The following CSMD1 variants were observed in gnomAD, a reference collection of about 807,000 sequenced individuals.
CSMD1 encodes the protein CUB and sushi domain-containing protein 1.
Under a neutral mutation model 417.5 loss-of-function variants are expected in CSMD1, and 213 were observed. That is an observed-to-expected ratio of 0.51 (90% CI 0.46 to 0.57). CSMD1 has a LOEUF of 0.57. Among genes scored for constraint, CSMD1 ranks in the 20% least tolerant of loss-of-function variants. CSMD1 has a pLI of 0.00. For synonymous variants in CSMD1, 2,862 were observed against 1,736.8 expected (o/e 1.65, Z -16.11); for missense variants, 6,923 against 4,529.7 (o/e 1.53, Z -15.17).
intron 26 of CSMD1, among the ~76,000 whole-genome samples, chr8:3,246,720 G>A (rs547674441): frequency 4.6e-5 from 7 of 152,126 alleles, no homozygotes; most frequent in Non-Finnish European, 7.4e-5. Flanking sequence ...GATCTTGCCC[G>A]CCTTGGCATC....
chr8:3,412,622 T>C (rs1307667717), intron 12 of CSMD1, among the ~76,000 whole-genome samples: 1 of 152,064 alleles, frequency 6.6e-6, no homozygotes, highest in Non-Finnish European at 1.5e-5. Flanking sequence ...TTGGTTGAGG[T>C]TCAAGGTACA....
chr8:3,510,139 C>T (rs1321570050), intron 10 of CSMD1, among the ~76,000 whole-genome samples: 1 of 149,452 alleles, frequency 6.7e-6, no homozygotes, highest in East Asian at 1.9e-4. Context: ...ACAGAGAATA[C>T]ATATCTGTGT....
chr8:3,872,950 A>G (rs1209171972), intron 5 of CSMD1, among the ~76,000 whole-genome samples: 1 of 152,230 alleles, frequency 6.6e-6, no homozygotes, highest in Non-Finnish European at 1.5e-5. Flanking sequence ...TCATATGAAA[A>G]AAAGCTCAAC....
intron 2 of CSMD1, among the ~76,000 whole-genome samples, chr8:4,602,643 T>C (rs1322207889): frequency 5.9e-5 from 9 of 152,224 alleles, no homozygotes; most frequent in Non-Finnish European, 1.3e-4. Flanking sequence ...TTTCTTATCA[T>C]GTTAGGGCAA....
At chr8:3,123,805 T>A (rs928405513) in intron 41 of CSMD1, among the ~76,000 whole-genome samples, 1 of 152,196 alleles carries the variant, frequency 6.6e-6, no homozygotes, top group Non-Finnish European at 1.5e-5. Context: ...AACCTTCACT[T>A]AAAACAGCGT....
At chr8:3,341,200 T>TG (rs1417518431) in intron 23 of CSMD1, among the ~76,000 whole-genome samples, 1 of 151,606 alleles carries the variant, frequency 6.6e-6, no homozygotes, top group Non-Finnish European at 1.5e-5. Context: ...TGAGGGAGGG[T>TG]GGACATCAAC....
At chr8:4,711,803 C>A (rs577125779) in intron 1 of CSMD1, among the ~76,000 whole-genome samples, 1 of 152,180 alleles carries the variant, frequency 6.6e-6, no homozygotes, top group African/African-American at 2.4e-5. Context: ...CTCACAGGAG[C>A]CTTAAAAAAG....
chr8:3,408,167 T>C lies in CSMD1; in HGVS notation c.1803A>G (p.Pro601=), dbSNP rs1812467392. ...AGTTCATGTTGTTCCCATATTCCTC[T>C]GGATAATTTGGTGACAGAATAATCC... ...SSGIILSPNY[P]EEYGNNMNCV... Residue 601 remains proline (P), a synonymous_variant, in exon 14 of 70, where the codon CCA becomes CCG. Transcript: ENST00000635120. 3 of 1,612,790 alleles carry C rather than the reference T, an allele frequency of 1.9e-6. 1 individual carries two copies. The highest frequency in any genetic ancestry group is 2.7e-5 in the African/African-American group (2 of 74,888).
intron 41 of CSMD1, among the ~76,000 whole-genome samples, chr8:3,124,817 CATA>C (rs1817406523): frequency 6.6e-6 from 1 of 152,208 alleles, no homozygotes; most frequent in Non-Finnish European, 1.5e-5. Flanking sequence ...CAGTCAACAT[CATA>C]ATGATGACAA....
intron 7 of CSMD1, among the ~76,000 whole-genome samples, chr8:3,632,524 G>C (rs1004664594): frequency 6.6e-6 from 1 of 152,134 alleles, no homozygotes; most frequent in Non-Finnish European, 1.5e-5. Flanking sequence ...TTGAAGATGA[G>C]TATTGGTTAG....
At chr8:3,223,119 T>C (rs2116868362) in intron 28 of CSMD1, among the ~76,000 whole-genome samples, 1 of 152,318 alleles carries the variant, frequency 6.6e-6, no homozygotes, top group African/African-American at 2.4e-5. Flanking sequence ...GTAATTATCA[T>C]ATACCATATA....
chr8:3,435,817 G>A (rs527901886), intron 12 of CSMD1, among the ~76,000 whole-genome samples: 5 of 152,282 alleles, frequency 3.3e-5, no homozygotes, highest in African/African-American at 9.6e-5. Context: ...ATTGCAGAGT[G>A]ACAAGAGAAA....
intron 12 of CSMD1, among the ~76,000 whole-genome samples, chr8:3,423,870 G>C (rs574726380): frequency 1.3e-5 from 2 of 152,206 alleles, no homozygotes; most frequent in Admixed American, 6.5e-5. Flanking sequence ...CCAGTCCTAC[G>C]GCACGAGCTG....
intron 12 of CSMD1, among the ~76,000 whole-genome samples, chr8:3,442,998 T>C (rs1326014723): frequency 6.6e-6 from 1 of 152,226 alleles, no homozygotes; most frequent in Admixed American, 6.5e-5. Flanking sequence ...GTCCTCTTTC[T>C]ATAGGAACTT....
intron 3 of CSMD1, among the ~76,000 whole-genome samples, chr8:4,149,744 A>T (rs937896672): frequency 6.6e-6 from 1 of 152,136 alleles, no homozygotes; most frequent in Non-Finnish European, 1.5e-5. Context: ...CTCAACTCCA[A>T]GCATCCAGCC....
chr8:3,785,613 G>T (rs1331127409), intron 5 of CSMD1, among the ~76,000 whole-genome samples: 3 of 152,222 alleles, frequency 2.0e-5, no homozygotes, highest in Admixed American at 6.5e-5. Context: ...TTTATAAGAT[G>T]TTAGAAGCAA....
intron 1 of CSMD1, among the ~76,000 whole-genome samples, chr8:4,734,419 G>GAA (rs922700461): frequency 6.7e-6 from 1 of 150,148 alleles, no homozygotes; most frequent in African/African-American, 2.4e-5. Context: ...GTGAGTCCCT[G>GAA]AAAAAAAAAG....
chr8:3,441,407 T>C (rs1472000195), intron 12 of CSMD1, among the ~76,000 whole-genome samples: 1 of 151,984 alleles, frequency 6.6e-6, no homozygotes, highest in Non-Finnish European at 1.5e-5. Context: ...TCCTGTTAAT[T>C]TAATAAATGA....
At position 4,573,367 on chromosome 8, in the gene CSMD1, C is replaced by T. The variant is rs1041360738; in HGVS notation, c.302+63975G>A. On this transcript the variant is annotated intron_variant, in intron 2 of 69. Coordinates refer to ENST00000635120, the MANE Select transcript of CSMD1 (RefSeq NM_033225.6). ...CTCTGCTTGTTAGTTTTCCTTCTAA[C>T]AGTCAGGCCCCTCTTCTGCAGGTCT... 2.6e-5 allele frequency among the ~76,000 whole-genome samples: 4 copies of T among 152,256 alleles called. No individual in the cohort carries two copies. In the East Asian group the frequency reaches 7.8e-4, roughly 30 times the overall value.
Sources: gnomAD v4.1 joint callset for allele counts (sites outside exome capture counted in the v4.1 genomes callset) on GRCh38, gnomAD v4.1.1 for gene constraint, MANE v1.5 for transcripts, NCBI Gene and HGNC (gene_info 2026-07-23, HGNC 2026-07-21) for gene names.